The following GRAMD2B variants were observed in gnomAD, a reference collection of about 807,000 sequenced individuals.
The protein encoded by GRAMD2B is GRAM domain-containing protein 2B.
A neutral mutation model predicts 59.2 loss-of-function variants in GRAMD2B; 41 were observed. The observed-to-expected ratio is 0.69, with a 90% confidence interval of 0.54 to 0.90. GRAMD2B has a LOEUF of 0.90. Ranked by LOEUF, GRAMD2B falls within the 40% of genes least tolerant of loss-of-function variation. The pLI is 0.00. For synonymous variants in GRAMD2B, 161 were observed against 182.7 expected, an observed-to-expected ratio of 0.88 and a Z score of 0.96; for missense variants, 424 against 500.5, an observed-to-expected ratio of 0.85 and a Z score of 1.46.
At chr5:126,377,646 G>C (rs2149699528) in intron 1 of GRAMD2B, among the ~76,000 whole-genome samples, 1 of 152,218 alleles carries the variant, frequency 6.6e-6, no homozygotes, top group East Asian at 1.9e-4. Context: ...TGTGTGATTT[G>C]CCTTCATTTC....
At chr5:126,414,501 C>G (rs1276390776) in intron 1 of GRAMD2B, among the ~76,000 whole-genome samples, 1 of 152,186 alleles carries the variant, frequency 6.6e-6, no homozygotes, top group African/African-American at 2.4e-5. Flanking sequence ...ACTCATCACT[C>G]AGGTTGCAGT....
intron 1 of GRAMD2B, among the ~76,000 whole-genome samples, chr5:126,450,549 C>CT (rs1305056320): frequency 6.6e-6 from 1 of 151,630 alleles, no homozygotes; most frequent in African/African-American, 2.4e-5. Context: ...GTTATCATTT[C>CT]TGACTCCTCC....
In GRAMD2B at chr5:126,423,513, T is replaced by G; in HGVS notation, c.-94T>G. On this transcript the variant is annotated 5_prime_UTR_variant, in exon 1 of 14. Transcript: ENST00000285689. ...GTGCAGGGGAGGGCACGGCGCCGCT[T>G]GCTTGGCCTGCGCACCCGGACCTAG... 6.5e-7 allele frequency: 1 copy of G among 1,544,794 alleles called. No individual in the cohort carries two copies. Among genetic ancestry groups the G allele is most frequent in the Non-Finnish European group, 8.7e-7 (1 of 1,147,250 alleles).
chr5:126,388,831 T>C (rs1200158694), intron 1 of GRAMD2B, among the ~76,000 whole-genome samples: 1 of 151,982 alleles, frequency 6.6e-6, no homozygotes, highest in Admixed American at 6.6e-5. Context: ...TTTGAAGAAC[T>C]AAAGCTTCCA....
chr5:126,401,956 C>T (rs1757878119), intron 1 of GRAMD2B, among the ~76,000 whole-genome samples: 1 of 152,036 alleles, frequency 6.6e-6, no homozygotes, highest in South Asian at 2.1e-4. Context: ...AGTGACACAG[C>T]AAATTGGAAA....
chr5:126,451,389 A>T (rs1319091693), intron 1 of GRAMD2B, among the ~76,000 whole-genome samples: 3 of 152,064 alleles, frequency 2.0e-5, no homozygotes, highest in Non-Finnish European at 4.4e-5. Context: ...ATCTCAAAAG[A>T]GATTGTTTTG....
At chr5:126,472,700 A>T (rs1238492760) in intron 4 of GRAMD2B, among the ~76,000 whole-genome samples, 1 of 152,170 alleles carries the variant, frequency 6.6e-6, no homozygotes, top group Non-Finnish European at 1.5e-5. Flanking sequence ...GCCACTATGA[A>T]GGGTAAGATA....
At chr5:126,377,773 G>A (rs563990563) in intron 1 of GRAMD2B, among the ~76,000 whole-genome samples, 192 of 152,320 alleles carry the variant, frequency 1.3e-3, no homozygotes, top group Non-Finnish European at 2.3e-3. Context: ...TCAGAGATGG[G>A]ATCATGATAT....
chr5:126,392,490 T>C (rs1001905513), intron 1 of GRAMD2B, among the ~76,000 whole-genome samples: 2 of 152,102 alleles, frequency 1.3e-5, no homozygotes, highest in African/African-American at 4.8e-5. Context: ...AAGATTTGTA[T>C]TGGAGGCTGG....
rs560165079 is a variant in GRAMD2B, at chr5:126,365,864, C to A, written c.128+5405C>A. ...AATATAGTTAAAAGCACTAAAAAGA[C>A]TTACCCAAGCTGGTGGATAAACTAG... On this transcript the variant is annotated intron_variant, in intron 1 of 13. Coordinates refer to the GRAMD2B transcript ENST00000513040. Among the ~76,000 whole-genome samples the A allele has an allele frequency of 1.1e-3, 165 of 152,278 alleles. 2 individuals carry two copies. In the Middle Eastern group the frequency reaches 0.014, roughly 13 times the overall value.
intron 2 of GRAMD2B, among the ~76,000 whole-genome samples, chr5:126,467,908 A>G (rs1238961085): frequency 1.3e-5 from 2 of 152,230 alleles, no homozygotes; most frequent in Non-Finnish European, 2.9e-5. Flanking sequence ...ATCTTTTCAC[A>G]GCTGAGAAAA....
chr5:126,419,503 T>G (rs756654698), upstream of GRAMD2B, among the ~76,000 whole-genome samples: 2 of 151,750 alleles, frequency 1.3e-5, no homozygotes, highest in Non-Finnish European at 2.9e-5. Flanking sequence ...CAACATGAGA[T>G]TTGGGTGGGG....
intron 1 of GRAMD2B, among the ~76,000 whole-genome samples, chr5:126,435,001 TATCTAAG>T (rs1350848182): frequency 6.6e-6 from 1 of 152,216 alleles, no homozygotes; most frequent in Non-Finnish European, 1.5e-5. Context: ...ACAACCATTT[TATCTAAG>T]ATCTGAGTTT....
chr5:126,444,921 TC>T (rs1303725756), intron 1 of GRAMD2B, among the ~76,000 whole-genome samples: 2 of 152,192 alleles, frequency 1.3e-5, no homozygotes, highest in Non-Finnish European at 2.9e-5. Context: ...TCGTTCAACC[TC>T]CACTTAAGAG....
At chr5:126,478,434 T>C (rs1771070810) in intron 6 of GRAMD2B, among the ~76,000 whole-genome samples, 1 of 151,674 alleles carries the variant, frequency 6.6e-6, no homozygotes, top group African/African-American at 2.4e-5. Flanking sequence ...AAAGACCCTG[T>C]CTCAAAGAAA....
chr5:126,481,962 C>G (rs1455647614), intron 8 of GRAMD2B, among the ~76,000 whole-genome samples: 1 of 121,292 alleles, frequency 8.2e-6, no homozygotes, highest in East Asian at 2.0e-4. Flanking sequence ...TGCAATGAGA[C>G]TCCATCTCAA....
intron 5 of GRAMD2B, among the ~76,000 whole-genome samples, chr5:126,474,052 A>G (rs1345254777): frequency 2.0e-5 from 3 of 152,228 alleles, no homozygotes; most frequent in African/African-American, 7.2e-5. Context: ...GGACCGTGGG[A>G]CTATGGCCTA....
intron 1 of GRAMD2B, among the ~76,000 whole-genome samples, chr5:126,415,342 G>T (rs576394775): frequency 3.2e-4 from 48 of 152,268 alleles, no homozygotes; most frequent in African/African-American, 1.1e-3. Flanking sequence ...TTCTGTGTGT[G>T]CATGTATGTT....
At chr5:126,406,548 C>A (rs1758283597) in intron 1 of GRAMD2B, among the ~76,000 whole-genome samples, 1 of 151,816 alleles carries the variant, frequency 6.6e-6, no homozygotes, top group Admixed American at 6.6e-5. Flanking sequence ...CCAAGGCAAT[C>A]CCTATCTAAA....
Sources: gnomAD v4.1 joint callset for allele counts (sites outside exome capture counted in the v4.1 genomes callset) on GRCh38, gnomAD v4.1.1 for gene constraint, MANE v1.5 for transcripts, NCBI Gene and HGNC (gene_info 2026-07-23, HGNC 2026-07-21) for gene names.